Variants in PCDH15 observed in about 807,000 individuals in gnomAD.
PCDH15 encodes the protein protocadherin related 15, also known as protocadherin-15.
PCDH15 carries 129 observed loss-of-function variants against 178.5 expected under a neutral mutation model. That is an observed-to-expected ratio of 0.72 (90% CI 0.63 to 0.84). The LOEUF is 0.84. Among genes scored for constraint, PCDH15 ranks in the 40% least tolerant of loss-of-function variants. The pLI is 0.00. For missense variants in PCDH15, 2,230 were observed against 2,099.9 expected, an observed-to-expected ratio of 1.06 and a Z score of -1.21; for synonymous variants, 800 against 732.0, an observed-to-expected ratio of 1.09 and a Z score of -1.50.
At chr10:53,839,869 A>G (rs1296523795) in intron 29 of PCDH15, among the ~76,000 whole-genome samples, 1 of 152,194 alleles carries the variant, frequency 6.6e-6, no homozygotes, top group Non-Finnish European at 1.5e-5. Flanking sequence ...CTCCACCTGT[A>G]AGTTAAAGAA....
intron 2 of PCDH15, among the ~76,000 whole-genome samples, chr10:55,066,633 T>C (rs1462812623): frequency 6.7e-6 from 1 of 150,358 alleles, no homozygotes; most frequent in Non-Finnish European, 1.5e-5. Flanking sequence ...GTAACTTTTT[T>C]TTTAATTTGA....
intron 8 of PCDH15, among the ~76,000 whole-genome samples, chr10:54,252,698 A>G (rs1591431928): frequency 6.6e-6 from 1 of 152,272 alleles, no homozygotes; most frequent in East Asian, 1.9e-4. Flanking sequence ...TATAATAGTA[A>G]CATTAATTTA....
intron 2 of PCDH15, among the ~76,000 whole-genome samples, chr10:55,500,647 G>A (rs913864568): frequency 1.3e-5 from 2 of 151,742 alleles, no homozygotes; most frequent in Non-Finnish European, 2.9e-5. Context: ...ATAGAATAGT[G>A]AGACCCTGAT....
intron 2 of PCDH15, among the ~76,000 whole-genome samples, chr10:55,417,731 C>CT (rs1186786839): frequency 6.7e-6 from 1 of 150,176 alleles, no homozygotes; most frequent in Non-Finnish European, 1.5e-5. Flanking sequence ...TTTTTAAAGT[C>CT]TTACTTGAGG....
At chr10:54,314,090 C>A (rs943894706) in intron 8 of PCDH15, among the ~76,000 whole-genome samples, 7 of 150,208 alleles carry the variant, frequency 4.7e-5, no homozygotes, top group Non-Finnish European at 8.9e-5. Context: ...ATATATTTTT[C>A]TTTTTCCTTT....
chr10:54,511,699 C>T (rs537130501), intron 3 of PCDH15, among the ~76,000 whole-genome samples: 1 of 152,240 alleles, frequency 6.6e-6, no homozygotes, highest in African/African-American at 2.4e-5. Context: ...AAACACATAT[C>T]TAGTCTAACT....
chr10:53,990,527 CTATATATGTTT>C (rs1554898258), intron 21 of PCDH15, among the ~76,000 whole-genome samples: 1 of 84,882 alleles, frequency 1.2e-5, no homozygotes, highest in East Asian at 2.5e-4. Context: ...TATATATGTT[CTATATATGTTT>C]TATATATGTT....
intron 1 of PCDH15, among the ~76,000 whole-genome samples, chr10:54,740,054 A>T (rs10763132): frequency 0.86 from 130,274 of 152,026 alleles, 56,508 homozygotes; most frequent in Non-Finnish European, 0.93. Flanking sequence ...AGCTAAAAAT[A>T]CTTCTACACA....
intron 1 of PCDH15, among the ~76,000 whole-genome samples, chr10:54,790,595 G>A (rs1449167213): frequency 6.6e-6 from 1 of 151,704 alleles, no homozygotes; most frequent in Non-Finnish European, 1.5e-5. Context: ...AGCGAGCTTG[G>A]AAGCCATGTG....
chr10:55,545,925 G>A (rs1262468430), intron 2 of PCDH15, among the ~76,000 whole-genome samples: 1 of 152,034 alleles, frequency 6.6e-6, no homozygotes, highest in Non-Finnish European at 1.5e-5. Context: ...GAATGGAAGT[G>A]ATGCACTGGG....
intron 2 of PCDH15, among the ~76,000 whole-genome samples, chr10:55,045,685 G>T (rs1196866547): frequency 6.6e-6 from 1 of 152,024 alleles, no homozygotes; most frequent in East Asian, 1.9e-4. Context: ...ACAAAATTCT[G>T]CCAATGTGGC....
chr10:54,322,612 A>G (rs2061683419), intron 7 of PCDH15, among the ~76,000 whole-genome samples: 1 of 151,318 alleles, frequency 6.6e-6, no homozygotes, highest in African/African-American at 2.4e-5. Context: ...GATGAATATT[A>G]AGCTGTGATA....
intron 2 of PCDH15, among the ~76,000 whole-genome samples, chr10:55,151,262 A>G (rs991679829): frequency 3.3e-5 from 5 of 152,092 alleles, no homozygotes; most frequent in African/African-American, 1.2e-4. Flanking sequence ...AGTACTTGGT[A>G]ATTGTATAAT....
intron 3 of PCDH15, among the ~76,000 whole-genome samples, chr10:54,806,622 T>C (rs1413422109): frequency 6.6e-6 from 1 of 151,650 alleles, no homozygotes; most frequent in Non-Finnish European, 1.5e-5. Flanking sequence ...TAGCTGGGAT[T>C]ACAGGCACCC....
At chr10:54,310,226 G>A (rs1194809487) in intron 8 of PCDH15, among the ~76,000 whole-genome samples, 1 of 151,964 alleles carries the variant, frequency 6.6e-6, no homozygotes, top group East Asian at 1.9e-4. Context: ...GGTGTATGAT[G>A]GAAAACACTG....
At chr10:55,317,474 T>C (rs921703283) in intron 1 of PCDH15, among the ~76,000 whole-genome samples, 3 of 144,574 alleles carry the variant, frequency 2.1e-5, no homozygotes, top group Admixed American at 2.0e-4. Flanking sequence ...AGAGGCTTAA[T>C]AGTGTTTTTT....
At chr10:54,066,965 G>T in intron 17 of PCDH15, 80 bp from the exon 18 acceptor site, 1 of 1,405,804 alleles carries the variant, frequency 7.1e-7, no homozygotes, top group African/African-American at 1.4e-5. Flanking sequence ...TCTGGCATTT[G>T]TCTATCTGAA....
Position 54,742,124 on chromosome 10 carries a change from C to T in PCDH15, c.-29+58801G>A, listed in dbSNP as rs573346183. 2.0e-5 allele frequency among the ~76,000 whole-genome samples: 3 copies of T among 152,032 alleles called. No individual in the cohort carries two copies. In the South Asian group the frequency reaches 6.2e-4, roughly 32 times the overall value. ...AATATGTACCATCACTATTTCAAGG[C>T]TATCCCATTTAATTTTTGTTATGAG... On this transcript the variant is annotated intron_variant, in intron 1 of 37. Transcript: ENST00000644397.
At chr10:54,867,475 A>T (rs1953961242) in intron 3 of PCDH15, among the ~76,000 whole-genome samples, 1 of 152,128 alleles carries the variant, frequency 6.6e-6, no homozygotes, top group Admixed American at 6.6e-5. Flanking sequence ...TATCAACATC[A>T]TTCTTATTTG....
Sources: allele counts gnomAD v4.1 joint callset (sites outside exome capture counted in the v4.1 genomes callset), GRCh38; gene constraint gnomAD v4.1.1; transcripts MANE v1.5; gene names NCBI Gene and HGNC (gene_info 2026-07-23, HGNC 2026-07-21).